Variants in TMPRSS15 observed in about 807,000 individuals in gnomAD.
TMPRSS15 encodes the protein enteropeptidase.
Under a neutral mutation model 125.3 loss-of-function variants are expected in TMPRSS15, and 128 were observed. The observed-to-expected ratio is 1.02, with a 90% CI of 0.89 to 1.18. TMPRSS15 has a LOEUF of 1.18. Ranked by LOEUF, TMPRSS15 falls within the 50% of genes most tolerant of loss-of-function variation. TMPRSS15 has a pLI of 0.00. For synonymous variants in TMPRSS15, 446 were observed against 423.2 expected (o/e 1.05, Z -0.66); for missense variants, 1,283 against 1,212.7 (o/e 1.06, Z -0.86).
At chr21:18,361,139 A>G (rs1376124146) in intron 7 of TMPRSS15, among the ~76,000 whole-genome samples, 1 of 152,128 alleles carries the variant, frequency 6.6e-6, no homozygotes, top group African/African-American at 2.4e-5. Context: ...GGTTCATCAG[A>G]AAATTTAAAT....
At chr21:18,424,957 ATATG>A (rs1292497859) in intron 1 of TMPRSS15, among the ~76,000 whole-genome samples, 1 of 149,204 alleles carries the variant, frequency 6.7e-6, no homozygotes, top group African/African-American at 2.4e-5. Context: ...GTGTGAATTC[ATATG>A]TATGAATACA....
intron 1 of TMPRSS15, among the ~76,000 whole-genome samples, chr21:18,463,900 C>T (rs947373841): frequency 2.0e-5 from 3 of 151,854 alleles, no homozygotes; most frequent in South Asian, 4.1e-4. Flanking sequence ...TTTGGCCAGG[C>T]GTGGTGGCTC....
intron 1 of TMPRSS15, among the ~76,000 whole-genome samples, chr21:18,443,451 G>C (rs1313127511): frequency 6.6e-6 from 1 of 152,206 alleles, no homozygotes; most frequent in African/African-American, 2.4e-5. Context: ...ACAGGGACCT[G>C]TGTAAAACTG....
At chr21:18,448,265 G>A (rs529639917) in intron 1 of TMPRSS15, among the ~76,000 whole-genome samples, 1 of 152,162 alleles carries the variant, frequency 6.6e-6, no homozygotes, top group East Asian at 1.9e-4. Flanking sequence ...TCAAACAAAT[G>A]GATTATGACA....
intron 18 of TMPRSS15, 53 bp from the exon 19 acceptor site, chr21:18,297,882 C>T (rs990664250): frequency 7.2e-7 from 1 of 1,390,940 alleles, no homozygotes; most frequent in African/African-American, 1.4e-5. Context: ...AAAGAAAAGA[C>T]CATAAGTTAG....
intron 9 of TMPRSS15, among the ~76,000 whole-genome samples, chr21:18,353,296 A>T (rs2075589838): frequency 1.3e-5 from 2 of 151,774 alleles, no homozygotes; most frequent in African/African-American, 4.8e-5. Flanking sequence ...AGCAAATATA[A>T]GTTTCTCATT....
At chr21:18,484,464 A>T (rs1979040519) in intron 1 of TMPRSS15, among the ~76,000 whole-genome samples, 1 of 151,820 alleles carries the variant, frequency 6.6e-6, no homozygotes, top group South Asian at 2.1e-4. Flanking sequence ...TATCCACATT[A>T]AAGGGAGAAA....
intron 6 of TMPRSS15, among the ~76,000 whole-genome samples, chr21:18,365,920 A>G (rs1461516923): frequency 6.6e-6 from 1 of 151,484 alleles, no homozygotes; most frequent in Non-Finnish European, 1.5e-5. Context: ...TTTTTAGTAG[A>G]GACGGGGTTT....
intron 1 of TMPRSS15, among the ~76,000 whole-genome samples, chr21:18,444,465 C>A (rs1383418684): frequency 6.6e-6 from 1 of 151,902 alleles, no homozygotes; most frequent in Non-Finnish European, 1.5e-5. Context: ...GGGGAACATC[C>A]CACACTGGGG....
chr21:18,475,197 C>T (rs1978856683), intron 1 of TMPRSS15, among the ~76,000 whole-genome samples: 1 of 151,944 alleles, frequency 6.6e-6, no homozygotes, highest in Non-Finnish European at 1.5e-5. Flanking sequence ...AATGCCAATC[C>T]CAAACTACTC....
intron 13 of TMPRSS15, among the ~76,000 whole-genome samples, chr21:18,335,394 A>G (rs914834419): frequency 1.3e-5 from 2 of 152,332 alleles, no homozygotes; most frequent in Admixed American, 1.3e-4. Context: ...AGATTTGGAA[A>G]ATGCATTGGA....
At chr21:18,364,036 T>C (rs182902610) in intron 7 of TMPRSS15, among the ~76,000 whole-genome samples, 11 of 152,242 alleles carry the variant, frequency 7.2e-5, no homozygotes, top group African/African-American at 2.6e-4. Context: ...AATCTTTTTC[T>C]CACATCTCCT....
intron 3 of TMPRSS15, among the ~76,000 whole-genome samples, chr21:18,389,101 GA>G (rs992911026): frequency 2.5e-4 from 28 of 112,240 alleles, no homozygotes; most frequent in South Asian, 5.4e-4. Flanking sequence ...AAAGAAAGAA[GA>G]AAAAAAGAGA....
chr21:18,312,841 T>C, intron 18 of TMPRSS15, 104 bp downstream of exon 18: 1 of 1,442,224 alleles, frequency 6.9e-7, no homozygotes, highest in Non-Finnish European at 9.4e-7. Context: ...GTGTATTTTC[T>C]AAATTCATAA....
chr21:18,429,619 A>C (rs575953709), intron 1 of TMPRSS15, among the ~76,000 whole-genome samples: 1 of 152,254 alleles, frequency 6.6e-6, no homozygotes, highest in South Asian at 2.1e-4. Flanking sequence ...TTCTGCTGCC[A>C]CGTAGGAAGT....
intron 1 of TMPRSS15, among the ~76,000 whole-genome samples, chr21:18,435,302 C>T (rs1178856439): frequency 6.6e-6 from 1 of 152,102 alleles, no homozygotes; most frequent in Non-Finnish European, 1.5e-5. Context: ...TGAGATACGT[C>T]CCATCAATAC....
rs1205950443 is a variant in TMPRSS15 at position 18,403,467 on chromosome 21, A to G, written c.145+11T>C. The G allele has an allele frequency of 2.5e-6, 4 of 1,614,084 alleles. No homozygotes were observed. The highest frequency in any genetic ancestry group is 3.4e-6 in the Non-Finnish European group (4 of 1,179,934). ...GAGAGCACCTTCACGAGCCAACTCCATGTGACTTACCTCGTTGGGATTCCT... is the reference window on the plus strand; with the variant it reads ...GAGAGCACCTTCACGAGCCAACTCCGTGTGACTTACCTCGTTGGGATTCCT... On this transcript the variant is annotated intron_variant, in intron 1 of 24. Transcript: ENST00000284885.
chr21:18,410,007 T>C (rs899422136), intron 1 of TMPRSS15, among the ~76,000 whole-genome samples: 3 of 150,894 alleles, frequency 2.0e-5, no homozygotes, highest in Non-Finnish European at 2.9e-5. Context: ...ATCTGGTTCA[T>C]GCTTGTCGTA....
intron 16 of TMPRSS15, among the ~76,000 whole-genome samples, chr21:18,323,527 T>C (rs2075260601): frequency 6.6e-6 from 1 of 152,132 alleles, no homozygotes; most frequent in Non-Finnish European, 1.5e-5. Flanking sequence ...CACATGGGGA[T>C]CATTACAATT....
Sources: gnomAD v4.1 joint callset for allele counts (sites outside exome capture counted in the v4.1 genomes callset) on GRCh38, gnomAD v4.1.1 for gene constraint, MANE v1.5 for transcripts, NCBI Gene and HGNC (gene_info 2026-07-23, HGNC 2026-07-21) for gene names.